Variants in RASAL2 observed in about 807,000 individuals in gnomAD.
RASAL2 encodes ras GTPase-activating protein nGAP.
A neutral mutation model predicts 128.9 loss-of-function variants in RASAL2; 58 were observed. That is an observed-to-expected ratio of 0.45 (90% confidence interval 0.36 to 0.56). The LOEUF is 0.56. Ranked by LOEUF, RASAL2 falls within the 20% of genes least tolerant of loss-of-function variation. RASAL2 has a pLI of 0.00. For synonymous variants in RASAL2, 561 were observed against 580.8 expected, an observed-to-expected ratio of 0.97 and a Z score of 0.49; for missense variants, 1,360 against 1,601.6, an observed-to-expected ratio of 0.85 and a Z score of 2.57.
In RASAL2 at chr1:178,381,853, G is replaced by C. The variant is rs190224539; in HGVS notation, c.458-8247G>C. Among the ~76,000 whole-genome samples the C allele has an allele frequency of 4.6e-3, 705 of 152,086 alleles. 7 individuals are homozygous for C. Among genetic ancestry groups the C allele is most frequent in the African/African-American group, 0.014 (587 of 41,514 alleles). Reference sequence around the variant, plus strand: ...TATTATTAAATCAGTTACAGAAAAGGTTTAAATAAAGGTGTTAGGCCCTAT... The same window carrying C: ...TATTATTAAATCAGTTACAGAAAAGCTTTAAATAAAGGTGTTAGGCCCTAT... On this transcript the variant is annotated intron_variant, in intron 3 of 17. Transcript: ENST00000367649.
intron 4 of RASAL2, among the ~76,000 whole-genome samples, chr1:178,413,672 A>C (rs1674559704): frequency 6.6e-6 from 1 of 152,252 alleles, no homozygotes; most frequent in Non-Finnish European, 1.5e-5. Context: ...CCTCAGAGCA[A>C]GCATCAGAAC....
chr1:178,352,751 G>T (rs568161921), intron 3 of RASAL2, among the ~76,000 whole-genome samples: 2 of 152,182 alleles, frequency 1.3e-5, no homozygotes, highest in African/African-American at 4.8e-5. Flanking sequence ...AGGCTTTTCC[G>T]TACATTCTCT....
chr1:178,185,930 T>A (rs1346157201), intron 1 of RASAL2, among the ~76,000 whole-genome samples: 1 of 152,176 alleles, frequency 6.6e-6, no homozygotes, highest in Non-Finnish European at 1.5e-5. Flanking sequence ...CATCTACTTC[T>A]GTTTTCTGGA....
chr1:178,310,062 G>T (rs1332579084), intron 3 of RASAL2, among the ~76,000 whole-genome samples: 7 of 152,158 alleles, frequency 4.6e-5, no homozygotes, highest in African/African-American at 7.2e-5. Context: ...GATGAAATTT[G>T]TAAATTAGTG....
At chr1:178,240,946 T>G in intron 1 of RASAL2, among the ~76,000 whole-genome samples, 1 of 151,708 alleles carries the variant, frequency 6.6e-6, no homozygotes, top group East Asian at 1.9e-4. Flanking sequence ...TTTTTATTCA[T>G]GACTTTTTTA....
At chr1:178,294,247 C>T (rs1030458959) in intron 2 of RASAL2, among the ~76,000 whole-genome samples, 3 of 152,146 alleles carry the variant, frequency 2.0e-5, no homozygotes, top group Admixed American at 1.3e-4. Flanking sequence ...ACAACAGATA[C>T]ACTGAGAATG....
intron 2 of RASAL2, among the ~76,000 whole-genome samples, chr1:178,298,704 T>G (rs1006907896): frequency 3.4e-4 from 51 of 152,214 alleles, no homozygotes; most frequent in African/African-American, 1.2e-3. Context: ...TCCCTCATAA[T>G]GTCACACATA....
chr1:178,265,308 G>T (rs929085310), intron 1 of RASAL2, among the ~76,000 whole-genome samples: 1 of 152,080 alleles, frequency 6.6e-6, no homozygotes, highest in Non-Finnish European at 1.5e-5. Flanking sequence ...ACCCAGGCTG[G>T]TGTGCAGTAG....
intron 1 of RASAL2, among the ~76,000 whole-genome samples, chr1:178,236,790 G>A (rs1664267065): frequency 7.7e-6 from 1 of 129,874 alleles, no homozygotes; most frequent in Non-Finnish European, 1.6e-5. Flanking sequence ...TTGAAACAGA[G>A]TCTTGCTCTG....
At chr1:178,470,776 A>C in intron 17 of RASAL2, 1 of 1,320,444 alleles carries the variant, frequency 7.6e-7, no homozygotes, top group Non-Finnish European at 1.0e-6. Context: ...GCCCTGGCCC[A>C]GTGCACTGGC....
intron 1 of RASAL2, among the ~76,000 whole-genome samples, chr1:178,120,603 T>A (rs1195126671): frequency 6.6e-6 from 1 of 152,210 alleles, no homozygotes; most frequent in Non-Finnish European, 1.5e-5. Context: ...GTAGCTTAAT[T>A]GTCACTTGCC....
chr1:178,433,724 C>T (rs565932852), intron 5 of RASAL2, among the ~76,000 whole-genome samples: 99 of 152,050 alleles, frequency 6.5e-4, no homozygotes, highest in African/African-American at 2.3e-3. Context: ...ACCAGCCTGG[C>T]CAACATGGTA....
chr1:178,113,041 GT>G (rs1297952950), intron 1 of RASAL2, among the ~76,000 whole-genome samples: 1 of 151,960 alleles, frequency 6.6e-6, no homozygotes, highest in Non-Finnish European at 1.5e-5. Context: ...TTTGTGTGTG[GT>G]AAAGAATAAG....
rs548683997 is a variant in RASAL2 at position 178,141,237 on chromosome 1, A to G, written c.202+46543A>G. ...TTTTTTTGCAGTTGCAAGATTGAAT[A>G]GAGTGAAAACAGAGCTCCCATACAA... On this transcript the variant is annotated intron_variant, in intron 1 of 17. Transcript: ENST00000367649. Among the ~76,000 whole-genome samples, 5 of 120,952 alleles carry G rather than the reference A, an allele frequency of 4.1e-5. No individual in the cohort carries two copies. In the South Asian group the frequency reaches 1.4e-3, roughly 34 times the overall value. 79.3% of individuals were successfully genotyped at this position (120,952 alleles called of 152,430 possible).
chr1:178,174,928 A>G (rs1661832988), intron 1 of RASAL2, among the ~76,000 whole-genome samples: 3 of 152,266 alleles, frequency 2.0e-5, no homozygotes, highest in Admixed American at 6.5e-5. Context: ...TGTGATTGCT[A>G]TGTATTGCTT....
Position 178,439,481 on chromosome 1 carries a change from G to A in RASAL2, c.734G>A (p.Cys245Tyr). 1 of 1,612,814 alleles carries A rather than the reference G, an allele frequency of 6.2e-7. No homozygotes were observed. Among genetic ancestry groups the A allele is most frequent in the Non-Finnish European group, 8.5e-7 (1 of 1,179,168 alleles). The change falls in exon 6 of 18, where the codon TGC becomes TAC. Residue 245 changes from cysteine to tyrosine, a missense_variant. By Grantham distance (194) the Cys-to-Tyr change is radical. Coordinates refer to ENST00000367649, the MANE Select transcript of RASAL2 (RefSeq NM_170692.4). ...TCCCATGAATCCTTGCTGAGCCCAT[G>A]CAGCACAGTGGAATGTCTGGATCTT... Reference protein sequence around the residue: ...SRSHESLLSPCSTVECLDLGR... With the variant: ...SRSHESLLSPYSTVECLDLGR...
intron 2 of RASAL2, among the ~76,000 whole-genome samples, chr1:178,290,877 C>G (rs1024628560): frequency 3.3e-5 from 5 of 151,978 alleles, no homozygotes; most frequent in Non-Finnish European, 7.4e-5. Flanking sequence ...AGGGTTTCAT[C>G]GTGTTAGCCA....
chr1:178,386,048 A>G (rs948521521), intron 3 of RASAL2, among the ~76,000 whole-genome samples: 1 of 152,160 alleles, frequency 6.6e-6, no homozygotes, highest in Non-Finnish European at 1.5e-5. Flanking sequence ...AATTTTTGGC[A>G]TTTACTCCCT....
chr1:178,321,787 G>C (rs1261671848), intron 3 of RASAL2, among the ~76,000 whole-genome samples: 1 of 151,822 alleles, frequency 6.6e-6, no homozygotes, highest in African/African-American at 2.4e-5. Flanking sequence ...TCAGGAGTTT[G>C]AGACCAGCCT....
Sources: gnomAD v4.1 joint callset for allele counts (sites outside exome capture counted in the v4.1 genomes callset) on GRCh38, gnomAD v4.1.1 for gene constraint, MANE v1.5 for transcripts, NCBI Gene and HGNC (gene_info 2026-07-23, HGNC 2026-07-21) for gene names.